DGKB: variants seen among roughly 807,000 people sequenced by gnomAD.
The protein encoded by DGKB is diacylglycerol kinase beta.
In DGKB, 67 loss-of-function variants were observed where a neutral mutation model predicts 114.3. That is an observed-to-expected ratio of 0.59 (90% confidence interval 0.48 to 0.72). DGKB has a LOEUF of 0.72. Ranked by LOEUF, DGKB falls within the 30% of genes least tolerant of loss-of-function variation. The probability of loss-of-function intolerance (pLI) is 0.00; values close to 1 mark genes in which losing one functional copy is unlikely to be tolerated. For missense variants in DGKB, 907 were observed against 975.2 expected (o/e 0.93, Z 0.93); for synonymous variants, 398 against 323.1 (o/e 1.23, Z -2.49).
chr7:14,900,411 C>G (rs1328313070), intron 1 of DGKB, among the ~76,000 whole-genome samples: 1 of 152,110 alleles, frequency 6.6e-6, no homozygotes, highest in African/African-American at 2.4e-5. Flanking sequence ...TATATAAATA[C>G]AGCTCTGTTC....
At chr7:14,610,132 A>G (rs912233319) in intron 16 of DGKB, among the ~76,000 whole-genome samples, 5 of 152,106 alleles carry the variant, frequency 3.3e-5, no homozygotes, top group African/African-American at 1.2e-4. Context: ...GGTATCCATC[A>G]ATGCTGGGCT....
In DGKB at chr7:14,715,360, T is replaced by C. The variant is rs564295614; in HGVS notation, c.466+3182A>G. 3.3e-5 allele frequency among the ~76,000 whole-genome samples: 5 copies of C among 152,184 alleles called. No individual in the cohort carries two copies. The East Asian group carries it at 9.7e-4, about 29-fold the overall frequency. On this transcript the variant is annotated intron_variant, in intron 6 of 25. Coordinates refer to ENST00000402815, the MANE Select transcript of DGKB (RefSeq NM_001350709.2). Reference sequence around the variant, plus strand: ...GAAAATGGAGGCAAAGCCACAGGATTTGAGGGTAAAAGAGAGGTTGTTGAC... The same window carrying C: ...GAAAATGGAGGCAAAGCCACAGGATCTGAGGGTAAAAGAGAGGTTGTTGAC...
chr7:14,631,459 T>C (rs1167779278), intron 13 of DGKB, among the ~76,000 whole-genome samples: 1 of 151,890 alleles, frequency 6.6e-6, no homozygotes, highest in Admixed American at 6.6e-5. Context: ...TTGGAAGATA[T>C]TTCCATAATA....
intron 20 of DGKB, among the ~76,000 whole-genome samples, chr7:14,526,278 C>T (rs181882421): frequency 1.3e-5 from 2 of 152,174 alleles, no homozygotes; most frequent in Admixed American, 1.3e-4. Flanking sequence ...CAGTATTGCA[C>T]ATTACAAGAT....
At chr7:14,655,899 A>G (rs530804431) in intron 13 of DGKB, among the ~76,000 whole-genome samples, 1 of 151,842 alleles carries the variant, frequency 6.6e-6, no homozygotes, top group Non-Finnish European at 1.5e-5. Context: ...AAAGGCAAAG[A>G]GAGAAGTTGG....
At chr7:14,677,954 C>T (rs1344090611) in intron 12 of DGKB, among the ~76,000 whole-genome samples, 1 of 151,948 alleles carries the variant, frequency 6.6e-6, no homozygotes, top group Non-Finnish European at 1.5e-5. Context: ...AGATAGCCAA[C>T]TAGTAAATCA....
intron 4 of DGKB, among the ~76,000 whole-genome samples, chr7:14,740,513 A>G (rs1352021046): frequency 6.6e-6 from 1 of 152,152 alleles, no homozygotes; most frequent in East Asian, 1.9e-4. Context: ...GGCTTATGAC[A>G]AGGAGGCAAT....
intron 21 of DGKB, among the ~76,000 whole-genome samples, chr7:14,351,745 CTTGTAGAAA>C (rs1813476950): frequency 6.6e-6 from 1 of 152,048 alleles, no homozygotes; most frequent in East Asian, 1.9e-4. Flanking sequence ...TAGGTATTTG[CTTGTAGAAA>C]CTTGAAACTA....
At chr7:14,355,490 G>C (rs891968664) in intron 21 of DGKB, among the ~76,000 whole-genome samples, 4 of 152,152 alleles carry the variant, frequency 2.6e-5, no homozygotes, top group Non-Finnish European at 5.9e-5. Context: ...AGCATGAAGG[G>C]CTGTTGAATT....
intron 20 of DGKB, among the ~76,000 whole-genome samples, chr7:14,505,727 A>G (rs1786938180): frequency 6.6e-6 from 1 of 152,200 alleles, no homozygotes; most frequent in African/African-American, 2.4e-5. Flanking sequence ...TCAAGAAGAT[A>G]TGGAAGTAGA....
intron 20 of DGKB, among the ~76,000 whole-genome samples, chr7:14,555,600 G>C (rs569375061): frequency 1.1e-4 from 16 of 152,238 alleles, no homozygotes; most frequent in Admixed American, 2.6e-4. Context: ...TCTAGAATAG[G>C]AGTAAGGTAA....
At chr7:14,736,418 A>C (rs1831728712) in intron 4 of DGKB, among the ~76,000 whole-genome samples, 1 of 152,208 alleles carries the variant, frequency 6.6e-6, no homozygotes, top group Admixed American at 6.5e-5. Context: ...GAAGAGGAAG[A>C]AGTTTCTAGT....
chr7:14,505,381 G>C (rs1584443951), intron 20 of DGKB, among the ~76,000 whole-genome samples: 1 of 151,800 alleles, frequency 6.6e-6, no homozygotes, highest in African/African-American at 2.4e-5. Flanking sequence ...TTGAGCCCAG[G>C]AGGCAGAGGT....
At chr7:14,546,777 T>C (rs995933502) in intron 20 of DGKB, among the ~76,000 whole-genome samples, 3 of 152,206 alleles carry the variant, frequency 2.0e-5, no homozygotes, top group African/African-American at 7.2e-5. Context: ...AATGATGTTG[T>C]TAAGTTTCTA....
intron 13 of DGKB, among the ~76,000 whole-genome samples, chr7:14,647,578 T>G (rs2128889360): frequency 6.6e-6 from 1 of 152,126 alleles, no homozygotes; most frequent in Middle Eastern, 3.4e-3. Flanking sequence ...GTAAAAATCC[T>G]CTACCAAATA....
At chr7:14,776,496 T>G (rs1250597361) in intron 2 of DGKB, among the ~76,000 whole-genome samples, 8 of 152,140 alleles carry the variant, frequency 5.3e-5, no homozygotes, top group Non-Finnish European at 1.0e-4. Context: ...CCTAGGGACT[T>G]GGGGCCTTGC....
chr7:14,328,613 G>A lies in DGKB; in HGVS notation c.2122+9902C>T, dbSNP rs184172314. 1.8e-4 allele frequency among the ~76,000 whole-genome samples: 27 copies of A among 152,038 alleles called. 1 individual carries two copies. In the East Asian group the frequency reaches 2.3e-3, roughly 13 times the overall value. ...GAGCAATCTTTCAGAGCTTGAGCAG[G>A]TAAAATATAATGATAATGGGAACAG... On this transcript the variant is annotated intron_variant, in intron 23 of 25. Transcript: ENST00000402815.
chr7:14,960,564 T>C (rs1786782483), intron 1 of DGKB, among the ~76,000 whole-genome samples: 1 of 152,028 alleles, frequency 6.6e-6, no homozygotes, highest in Non-Finnish European at 1.5e-5. Context: ...AGGAAGTATA[T>C]AAATATAAGC....
intron 2 of DGKB, among the ~76,000 whole-genome samples, chr7:14,787,053 G>C (rs1302634790): frequency 6.6e-6 from 1 of 152,174 alleles, no homozygotes. Context: ...CCTGCCAGTA[G>C]ATAGGAGCTA....
Sources: gnomAD v4.1 joint callset for allele counts (sites outside exome capture counted in the v4.1 genomes callset) on GRCh38, gnomAD v4.1.1 for gene constraint, MANE v1.5 for transcripts, NCBI Gene and HGNC (gene_info 2026-07-23, HGNC 2026-07-21) for gene names.